BUB1B: variants seen among roughly 807,000 people sequenced by gnomAD.
The protein encoded by BUB1B is BUB1 mitotic checkpoint serine/threonine kinase B.
BUB1B carries 86 observed loss-of-function variants against 137.7 expected under a neutral mutation model. The ratio of observed to expected loss-of-function variants is 0.62; its 90% CI spans 0.52 to 0.75. The LOEUF is 0.75. BUB1B is among the 30% of genes least tolerant of loss of function. BUB1B has a pLI of 0.00. For synonymous variants in BUB1B, 420 were observed against 417.9 expected (o/e 1.00, Z -0.06); for missense variants, 1,130 against 1,236.9 (o/e 0.91, Z 1.30).
At chr15:40,209,554 TC>T (rs1263114129) in intron 16 of BUB1B, 80 bp from the exon 17 acceptor site, 2 of 1,534,808 alleles carry the variant, frequency 1.3e-6, no homozygotes, top group East Asian at 4.5e-5. Context: ...ATTTTTTTTT[TC>T]TTCTACTCTG....
intron 6 of BUB1B, 131 bp downstream of exon 6, chr15:40,184,014 C>CA: frequency 2.2e-6 from 2 of 930,230 alleles, no homozygotes; most frequent in East Asian, 5.3e-5. Flanking sequence ...AGAAGGAAGT[C>CA]AAAGGAGAGC....
intron 8 of BUB1B, among the ~76,000 whole-genome samples, chr15:40,186,472 G>C (rs7170412): frequency 0.68 from 90,662 of 133,160 alleles, 30,963 homozygotes; most frequent in African/African-American, 0.77. Context: ...GAGTCTCGCT[G>C]TGTCGCCCAG....
intron 3 of BUB1B, 98 bp downstream of exon 3, chr15:40,170,219 T>C: frequency 8.8e-7 from 1 of 1,141,840 alleles, no homozygotes; most frequent in Non-Finnish European, 1.3e-6. Flanking sequence ...TGTGTCAGAG[T>C]AGACAGTGGT....
chr15:40,183,972 A>G, intron 6 of BUB1B, 89 bp downstream of exon 6: 1 of 1,397,374 alleles, frequency 7.2e-7, no homozygotes, highest in Non-Finnish European at 1.0e-6. Context: ...ACCTGTGGAC[A>G]CTTCTAGTTT....
chr15:40,209,817 T>C, intron 17 of BUB1B, 42 bp downstream of exon 17: 1 of 1,606,404 alleles, frequency 6.2e-7, no homozygotes, highest in Non-Finnish European at 8.5e-7. Flanking sequence ...CATGACAGTA[T>C]ACAAATAAGT....
At chr15:40,171,285 T>C (rs143983870) in intron 4 of BUB1B, among the ~76,000 whole-genome samples, 15 of 152,316 alleles carry the variant, frequency 9.8e-5, no homozygotes, top group African/African-American at 2.6e-4. Flanking sequence ...CAGTGTTTCA[T>C]GTCTGTAGTC....
At chr15:40,201,663 T>A (rs1056484861) in intron 12 of BUB1B, among the ~76,000 whole-genome samples, 3 of 152,234 alleles carry the variant, frequency 2.0e-5, no homozygotes, top group African/African-American at 2.4e-5. Flanking sequence ...AAAAATTTTT[T>A]TTTATTTATT....
chr15:40,169,131 C>T (rs1421452895), intron 2 of BUB1B, among the ~76,000 whole-genome samples: 1 of 152,148 alleles, frequency 6.6e-6, no homozygotes, highest in African/African-American at 2.4e-5. Context: ...CCTAATTCTT[C>T]CCCTCTATTC....
In BUB1B at chr15:40,210,228, T is replaced by C; in HGVS notation, c.2385+18T>C. ...TAATAAAGGTGGGACTGATTCTTTATAATTTCAGTTACTTTGTAAATAATA... is the reference window on the plus strand; with the variant it reads ...TAATAAAGGTGGGACTGATTCTTTACAATTTCAGTTACTTTGTAAATAATA... On this transcript the variant is annotated intron_variant, in intron 18 of 22. Coordinates refer to ENST00000287598, the MANE Select transcript of BUB1B (RefSeq NM_001211.6). The C allele has an allele frequency of 2.6e-6, 4 of 1,527,866 alleles. No individual in the cohort carries two copies. The highest frequency in any genetic ancestry group is 1.8e-6 in the Non-Finnish European group (2 of 1,102,124). The allele number at this position is 1,527,866 out of a possible 1,614,324, so 94.6% of individuals were successfully genotyped here.
At chr15:40,213,516 A>G in intron 20 of BUB1B, 42 bp downstream of exon 20, 2 of 1,611,156 alleles carry the variant, frequency 1.2e-6, no homozygotes, top group Non-Finnish European at 1.7e-6. Context: ...GCTGTCTCTT[A>G]AAACATGGAT....
chr15:40,217,787 T>A, intron 21 of BUB1B, 120 bp downstream of exon 21: 1 of 1,198,408 alleles, frequency 8.3e-7, no homozygotes, highest in Non-Finnish European at 1.2e-6. Context: ...GACCTAGTTT[T>A]CAAATATCAC....
rs986844561 is a variant in BUB1B at position 40,197,572 on chromosome 15, G to A, written c.1288+798G>A. The stretch of plus-strand genomic sequence containing the variant: ...AAAGTAATGTTTCTTTTATACATCC[G>A]TATCCAGAATAACCTACTAATATAG... On this transcript the variant is annotated intron_variant, in intron 9 of 22. Transcript: ENST00000287598. Among the ~76,000 whole-genome samples the A allele has an allele frequency of 1.8e-4, 27 of 152,120 alleles. 1 individual carries two copies. Among genetic ancestry groups the A allele is most frequent in the Admixed American group, 1.1e-3 (17 of 15,282 alleles).
At chr15:40,173,231 C>G (rs1460093000) in intron 4 of BUB1B, among the ~76,000 whole-genome samples, 1 of 145,336 alleles carries the variant, frequency 6.9e-6, no homozygotes, top group African/African-American at 2.6e-5. Flanking sequence ...GTTGCATGAA[C>G]TGAGATCATG....
intron 5 of BUB1B, among the ~76,000 whole-genome samples, chr15:40,183,097 C>T (rs866400240): frequency 2.2e-4 from 34 of 152,076 alleles, no homozygotes; most frequent in African/African-American, 7.2e-4. Context: ...TATGATAATA[C>T]TTTTTAAGGC....
rs1254007935 is a variant in BUB1B at position 40,183,705 on chromosome 15, C to A, written c.582-9C>A. 6.2e-7 allele frequency: 1 copy of A among 1,613,766 alleles called. No individual in the cohort carries two copies. Among genetic ancestry groups the A allele is most frequent in the Non-Finnish European group, 8.5e-7 (1 of 1,179,838 alleles). On this transcript the variant is annotated splice_polypyrimidine_tract_variant and intron_variant, in intron 5 of 22. Transcript: ENST00000287598. The stretch of plus-strand genomic sequence containing the variant: ...ACCTCACTAAAAGTTGTGCATTCTG[C>A]TACTTTAGACAATTCCAAGCTCGAG...
At chr15:40,169,071 T>C (rs1393135863) in intron 2 of BUB1B, among the ~76,000 whole-genome samples, 2 of 152,216 alleles carry the variant, frequency 1.3e-5, no homozygotes, top group Non-Finnish European at 2.9e-5. Flanking sequence ...AGATCAAACA[T>C]AACTGCTTAT....
Position 40,183,719 on chromosome 15 carries a change from T to C in BUB1B, c.587T>C (p.Phe196Ser). Residue 196 changes from phenylalanine (F) to serine (S), a missense_variant, in exon 6 of 23, where the codon TTC becomes TCC. Transcript: ENST00000287598. Reference protein sequence around the residue: ...LERLQSQHRQFQARVSRQTLL... With the variant: ...LERLQSQHRQSQARVSRQTLL... ...TGTGCATTCTGCTACTTTAGACAAT[T>C]CCAAGCTCGAGTGTCTCGGCAAACT... is the stretch of plus-strand genomic sequence containing the variant. 2 of 1,614,022 alleles carry C rather than the reference T, an allele frequency of 1.2e-6. No homozygotes were observed. The highest frequency in any genetic ancestry group is 1.7e-6 in the Non-Finnish European group (2 of 1,179,932).
At chr15:40,161,381 T>G in intron 1 of BUB1B, 126 bp downstream of exon 1, 1 of 1,132,720 alleles carries the variant, frequency 8.8e-7, no homozygotes, top group Non-Finnish European at 1.2e-6. Context: ...CACCGGAGCC[T>G]CCTTCCTTTT....
chr15:40,177,637 T>C (rs1271043867), intron 5 of BUB1B, among the ~76,000 whole-genome samples: 2 of 152,092 alleles, frequency 1.3e-5, no homozygotes, highest in African/African-American at 4.8e-5. Context: ...CCTTTTATAG[T>C]AAGTCTAGAA....
Sources: allele counts gnomAD v4.1 joint callset (sites outside exome capture counted in the v4.1 genomes callset), GRCh38; gene constraint gnomAD v4.1.1; transcripts MANE v1.5; gene names NCBI Gene and HGNC (gene_info 2026-07-23, HGNC 2026-07-21).